CCDC170: variants seen among roughly 807,000 people sequenced by gnomAD.
CCDC170 encodes coiled-coil domain-containing protein 170.
CCDC170 carries 69 observed loss-of-function variants against 72.6 expected under a neutral mutation model. The observed-to-expected ratio is 0.95, with a 90% confidence interval of 0.78 to 1.16. The LOEUF (loss-of-function observed/expected upper bound fraction) is 1.16, where lower values mean the gene tolerates loss of function less well. CCDC170 is among the 50% of genes most tolerant of loss of function. The probability of loss-of-function intolerance (pLI) is 0.00; values close to 1 mark genes in which losing one functional copy is unlikely to be tolerated. For missense variants in CCDC170, 852 were observed against 832.5 expected (o/e 1.02, Z -0.29); for synonymous variants, 300 against 303.9 (o/e 0.99, Z 0.13).
chr6:151,616,882 C>T (rs1583054399), intron 10 of CCDC170, among the ~76,000 whole-genome samples: 1 of 152,130 alleles, frequency 6.6e-6, no homozygotes, highest in South Asian at 2.1e-4. Context: ...TTCATGAGGG[C>T]TCCACCCTCA....
intron 1 of CCDC170, among the ~76,000 whole-genome samples, chr6:151,529,252 C>T (rs1380705562): frequency 6.6e-6 from 1 of 152,190 alleles, no homozygotes; most frequent in African/African-American, 2.4e-5. Context: ...ACAGATCTAT[C>T]TCATATTACC....
At chr6:151,509,222 GTATCTATCTATCTATCTATCTATCTATC>G (rs59062141) in intron 1 of CCDC170, among the ~76,000 whole-genome samples, 1 of 127,344 alleles carries the variant, frequency 7.9e-6, no homozygotes, top group Non-Finnish European at 1.6e-5. Flanking sequence ...ATCTATCTAT[GTATCTATCTATCTATCTATCTATCTATC>G]TATCTATCTA....
At chr6:151,500,750 G>A (rs1024669338) in intron 1 of CCDC170, among the ~76,000 whole-genome samples, 5 of 152,158 alleles carry the variant, frequency 3.3e-5, no homozygotes, top group Admixed American at 2.0e-4. Flanking sequence ...AAATGTATAT[G>A]TTCCTAAGAA....
At chr6:151,589,573 TA>T (rs1321922176) in intron 7 of CCDC170, among the ~76,000 whole-genome samples, 3 of 152,154 alleles carry the variant, frequency 2.0e-5, no homozygotes, top group Admixed American at 1.3e-4. Flanking sequence ...CCCCCATCTC[TA>T]TATCCAGCAG....
intron 1 of CCDC170, among the ~76,000 whole-genome samples, chr6:151,515,217 T>G (rs1478583176): frequency 1.3e-5 from 2 of 152,230 alleles, no homozygotes; most frequent in African/African-American, 4.8e-5. Flanking sequence ...TGGACCCTGT[T>G]TTAGGCATTG....
chr6:151,528,381 A>G (rs147227433), intron 1 of CCDC170, among the ~76,000 whole-genome samples: 4 of 152,326 alleles, frequency 2.6e-5, no homozygotes, highest in African/African-American at 9.6e-5. Flanking sequence ...GTCAGCTTTC[A>G]TATCTGTTCA....
At position 151,494,301 on chromosome 6, in the gene CCDC170, G is replaced by C. The variant is rs1374339842; in HGVS notation, c.57+116G>C. On this transcript the variant is annotated intron_variant, in intron 1 of 10. Coordinates refer to ENST00000239374, the MANE Select transcript of CCDC170 (RefSeq NM_025059.4). ...CCTCCCGGAGGCGTGGGCAGAATCA[G>C]AGCAGCTCTGTGCCCGCGAGGGCTG... is the stretch of plus-strand genomic sequence containing the variant. 7.2e-6 allele frequency: 8 copies of C among 1,118,388 alleles called. No homozygotes were observed. In the African/African-American group the frequency reaches 1.3e-4, roughly 18 times the overall value. 69.3% of individuals were successfully genotyped at this position (1,118,388 alleles called of 1,614,324 possible).
chr6:151,508,098 C>T (rs1051865504), intron 1 of CCDC170, among the ~76,000 whole-genome samples: 11 of 152,176 alleles, frequency 7.2e-5, no homozygotes, highest in African/African-American at 2.7e-4. Context: ...CTCCCTAGTT[C>T]CACAGTTTTG....
chr6:151,522,811 G>A (rs1042668190), intron 1 of CCDC170, among the ~76,000 whole-genome samples: 1 of 152,134 alleles, frequency 6.6e-6, no homozygotes, highest in Admixed American at 6.5e-5. Context: ...AACAAGCATC[G>A]TATCTTACAT....
chr6:151,584,634 A>G (rs1167596674), intron 6 of CCDC170, among the ~76,000 whole-genome samples: 1 of 152,228 alleles, frequency 6.6e-6, no homozygotes, highest in Non-Finnish European at 1.5e-5. Flanking sequence ...TGTGGTTAAA[A>G]GAAATTTCAT....
At chr6:151,500,074 G>A (rs1781972755) in intron 1 of CCDC170, among the ~76,000 whole-genome samples, 2 of 152,136 alleles carry the variant, frequency 1.3e-5, no homozygotes, top group South Asian at 4.1e-4. Context: ...GTGCACAAAG[G>A]TTTTCATTTC....
chr6:151,514,934 A>G (rs1782213038), intron 1 of CCDC170, among the ~76,000 whole-genome samples: 1 of 152,212 alleles, frequency 6.6e-6, no homozygotes, highest in Non-Finnish European at 1.5e-5. Context: ...GACTTTTGAA[A>G]GCTTGGTAGG....
chr6:151,614,532 G>A (rs1776926677), intron 9 of CCDC170, among the ~76,000 whole-genome samples: 1 of 151,894 alleles, frequency 6.6e-6, no homozygotes, highest in Non-Finnish European at 1.5e-5. Flanking sequence ...TTGACTCACT[G>A]CAACCTCTGC....
At chr6:151,535,768 GTCTC>G (rs796952051) in intron 1 of CCDC170, among the ~76,000 whole-genome samples, 17 of 151,734 alleles carry the variant, frequency 1.1e-4, no homozygotes, top group African/African-American at 3.6e-4. Context: ...TTTAGAGGCA[GTCTC>G]TCTCTCTCTA....
At chr6:151,573,129 G>T (rs771722385) in intron 5 of CCDC170, 45 bp from the exon 6 acceptor site, 4 of 1,545,236 alleles carry the variant, frequency 2.6e-6, no homozygotes, top group African/African-American at 1.4e-5. Context: ...GGTGTACCCT[G>T]TTGACTTCTA....
Position 151,494,052 on chromosome 6 carries a change from C to T in CCDC170, c.-77C>T, listed in dbSNP as rs1404690195. ...CCCGTTGCCCGAGGAGACACCCGCGCCACCCGCCGGCTCCCGGCGCCGCCG... is the reference window on the plus strand; with the variant it reads ...CCCGTTGCCCGAGGAGACACCCGCGTCACCCGCCGGCTCCCGGCGCCGCCG... On this transcript the variant is annotated 5_prime_UTR_variant, in exon 1 of 11. Transcript: ENST00000239374. 3 of 1,369,380 alleles carry T rather than the reference C, an allele frequency of 2.2e-6. No homozygotes were observed. The highest frequency in any genetic ancestry group is 3.1e-5 in the East Asian group (1 of 32,464). The allele number at this position is 1,369,380 out of a possible 1,614,324, so 84.8% of individuals were successfully genotyped here.
At chr6:151,575,654 C>T (rs1379974879) in intron 6 of CCDC170, among the ~76,000 whole-genome samples, 3 of 149,144 alleles carry the variant, frequency 2.0e-5, no homozygotes, top group East Asian at 2.2e-4. Flanking sequence ...CTCAGCCTAC[C>T]GAGTAGCTGG....
chr6:151,608,858 A>T (rs1776825235), intron 9 of CCDC170, among the ~76,000 whole-genome samples: 1 of 152,172 alleles, frequency 6.6e-6, no homozygotes, highest in African/African-American at 2.4e-5. Flanking sequence ...TGGAATAATG[A>T]GGTCACATGG....
rs979923371 is a variant in CCDC170 at position 151,586,106 on chromosome 6, A to G, written c.1293+17A>G. ...AAACAAAAAGTAATGACCCGAGGGC[A>G]TGTCCATGAGTGGAAGCATCTGTTG... On this transcript the variant is annotated intron_variant, in intron 7 of 10. Coordinates refer to ENST00000239374, the MANE Select transcript of CCDC170 (RefSeq NM_025059.4). 1 of 1,612,444 alleles carries G rather than the reference A, an allele frequency of 6.2e-7. No homozygotes were observed. The highest frequency in any genetic ancestry group is 1.1e-5 in the South Asian group (1 of 90,840).
Sources: allele counts gnomAD v4.1 joint callset (sites outside exome capture counted in the v4.1 genomes callset), GRCh38; gene constraint gnomAD v4.1.1; transcripts MANE v1.5; gene names NCBI Gene and HGNC (gene_info 2026-07-23, HGNC 2026-07-21).